The following CCDC57 variants were observed in gnomAD, a reference collection of about 807,000 sequenced individuals.
CCDC57 encodes the protein coiled-coil domain containing 57.
In CCDC57, 118 loss-of-function variants were observed where a neutral mutation model predicts 118.9. The observed-to-expected ratio is 0.99, with a 90% CI of 0.86 to 1.16. The LOEUF is 1.16. Among genes scored for constraint, CCDC57 ranks in the 50% most tolerant of loss-of-function variants. CCDC57 has a pLI of 0.00. For synonymous variants in CCDC57, 527 were observed against 532.9 expected (o/e 0.99, Z 0.15); for missense variants, 1,300 against 1,320.7 (o/e 0.98, Z 0.24).
At chr17:82,129,683 T>C (rs2038034380) in intron 17 of CCDC57, among the ~76,000 whole-genome samples, 1 of 152,166 alleles carries the variant, frequency 6.6e-6, no homozygotes, top group South Asian at 2.1e-4. Context: ...CACAGGGTGA[T>C]TTGTCTTTTT....
intron 13 of CCDC57, among the ~76,000 whole-genome samples, chr17:82,164,521 A>G (rs1020541290): frequency 9.9e-5 from 15 of 152,212 alleles, no homozygotes; most frequent in Non-Finnish European, 1.6e-4. Context: ...TTCTTTGAGA[A>G]GGCTAAAATA....
At chr17:82,150,521 T>C (rs113929665) in intron 16 of CCDC57, among the ~76,000 whole-genome samples, 112 of 30,482 alleles carry the variant, frequency 3.7e-3, no homozygotes, top group African/African-American at 7.9e-3. Flanking sequence ...AGGCGCACAC[T>C]CAGAACCTGG....
chr17:82,120,763 C>G (rs1555680358), intron 19 of CCDC57, among the ~76,000 whole-genome samples: 1 of 148,688 alleles, frequency 6.7e-6, no homozygotes, highest in Non-Finnish European at 1.5e-5. Context: ...TTCTTGCTTG[C>G]TTTTTTTTTT....
chr17:82,104,186 C>T (rs564131376), intron 19 of CCDC57, among the ~76,000 whole-genome samples: 21 of 152,374 alleles, frequency 1.4e-4, no homozygotes, highest in African/African-American at 4.3e-4. Flanking sequence ...CCCGCCTTCT[C>T]GCCTGACCTG....
exon 9 of CCDC57, chr17:82,183,788 C>T: frequency 6.4e-7 from 1 of 1,565,668 alleles, no homozygotes. Context: ...CAATGTCCTG[C>T]TGGGATCGGG....
chr17:82,176,847 G>GT (rs35550523), intron 11 of CCDC57, among the ~76,000 whole-genome samples: 72 of 146,680 alleles, frequency 4.9e-4, no homozygotes, highest in South Asian at 8.6e-4. Context: ...GAAGATGAGG[G>GT]TTTTTTTTTT....
chr17:82,151,703 G>A (rs1379557530), exon 16 of CCDC57: 1 of 1,550,384 alleles, frequency 6.5e-7, no homozygotes, highest in South Asian at 1.2e-5. Flanking sequence ...GGGGGCACGT[G>A]CCACTGACCG....
At chr17:82,142,668 G>A (rs1405506217) in intron 16 of CCDC57, among the ~76,000 whole-genome samples, 1 of 152,060 alleles carries the variant, frequency 6.6e-6, no homozygotes, top group Admixed American at 6.6e-5. Context: ...AAAATCACAG[G>A]AGCAATGGAG....
intron 19 of CCDC57, among the ~76,000 whole-genome samples, chr17:82,111,753 C>T (rs2035270833): frequency 1.3e-5 from 2 of 148,754 alleles, no homozygotes; most frequent in Admixed American, 1.4e-4. Context: ...ATTACAGGCA[C>T]CTGCCACCAT....
intron 17 of CCDC57, among the ~76,000 whole-genome samples, chr17:82,132,758 G>GTT (rs2038591467): frequency 1.0e-4 from 8 of 79,520 alleles, no homozygotes; most frequent in East Asian, 8.9e-4. Context: ...AGACAACCTT[G>GTT]CTTTTTTTTT....
chr17:82,105,524 C>T (rs185551080), intron 19 of CCDC57, among the ~76,000 whole-genome samples: 41 of 152,276 alleles, frequency 2.7e-4, no homozygotes, highest in Admixed American at 5.2e-4. Flanking sequence ...GGTCCCCACG[C>T]CTGGGAGGCT....
At chr17:82,195,328 T>G (rs1437898579) in exon 5 of CCDC57, 1 of 1,600,722 alleles carries the variant, frequency 6.2e-7, no homozygotes, top group African/African-American at 1.3e-5. Flanking sequence ...TCGTGCTCCC[T>G]CTTCCGCATT....
intron 2 of CCDC57, among the ~76,000 whole-genome samples, chr17:82,204,768 G>C (rs2049410446): frequency 6.6e-6 from 1 of 151,958 alleles, no homozygotes; most frequent in Non-Finnish European, 1.5e-5. Flanking sequence ...GGGCAACAAA[G>C]AGAGACTCCA....
At chr17:82,108,008 A>AC (rs2034990483) in intron 19 of CCDC57, among the ~76,000 whole-genome samples, 1 of 152,094 alleles carries the variant, frequency 6.6e-6, no homozygotes, top group Admixed American at 6.5e-5. Context: ...TTTCTGGTGG[A>AC]CCCACCTGCT....
At chr17:82,194,435 C>A (rs918114014) in intron 5 of CCDC57, among the ~76,000 whole-genome samples, 1 of 152,004 alleles carries the variant, frequency 6.6e-6, no homozygotes, top group Admixed American at 6.5e-5. Flanking sequence ...CTTAGCCTCA[C>A]GAGTAGCTGG....
At chr17:82,130,132 A>C (rs2038108221) in intron 17 of CCDC57, among the ~76,000 whole-genome samples, 1 of 151,468 alleles carries the variant, frequency 6.6e-6, no homozygotes, top group African/African-American at 2.4e-5. Flanking sequence ...GCCTGGGAGG[A>C]CCAGGCTGCA....
At chr17:82,119,081 G>A (rs1345554724) in intron 19 of CCDC57, among the ~76,000 whole-genome samples, 4 of 126,136 alleles carry the variant, frequency 3.2e-5, no homozygotes, top group East Asian at 2.3e-4. Context: ...TCCACTGAGC[G>A]GGCGGGAGGT....
intron 15 of CCDC57, chr17:82,156,662 C>G (rs901700284): frequency 6.6e-6 from 1 of 152,258 alleles, no homozygotes; most frequent in Non-Finnish European, 1.5e-5. Context: ...AATATCTTAC[C>G]GACCAGCTCA....
intron 19 of CCDC57, chr17:82,107,262 T>C (rs2034919057): frequency 2.6e-6 from 1 of 382,040 alleles, no homozygotes; most frequent in Admixed American, 2.9e-5. Flanking sequence ...CCCAGGGTTT[T>C]TGGTTCCCCT....
Sources: gnomAD v4.1 joint callset for allele counts (sites outside exome capture counted in the v4.1 genomes callset) on GRCh38, gnomAD v4.1.1 for gene constraint, MANE v1.5 for transcripts, NCBI Gene and HGNC (gene_info 2026-07-23, HGNC 2026-07-21) for gene names.